The following MAPK8IP3 variants were observed in gnomAD, a reference collection of about 807,000 sequenced individuals.
The protein encoded by MAPK8IP3 is C-Jun-amino-terminal kinase-interacting protein 3.
A neutral mutation model predicts 157.8 loss-of-function variants in MAPK8IP3; 49 were observed. The ratio of observed to expected loss-of-function variants is 0.31; its 90% CI spans 0.25 to 0.39. The LOEUF is 0.39. MAPK8IP3 is among the 10% of genes least tolerant of loss of function. MAPK8IP3 has a pLI of 1.00. For missense variants in MAPK8IP3, 1,478 were observed against 1,889.4 expected (o/e 0.78, Z 4.04); for synonymous variants, 897 against 777.7 (o/e 1.15, Z -2.55).
At chr16:1,758,339 G>A (rs1244012517) in intron 9 of MAPK8IP3, among the ~76,000 whole-genome samples, 180 bp downstream of exon 9, 1 of 152,196 alleles carries the variant, frequency 6.6e-6, no homozygotes, top group African/African-American at 2.4e-5. Context: ...TGCTCCACCA[G>A]CCACTTGACA....
In MAPK8IP3 at chr16:1,721,760, CGTTTT is replaced by C. The variant is rs892395345; in HGVS notation, c.319-2776_319-2772del. ...CGGGCCTATAAAAACTTTGTTTTTT[CGTTTT>C]GTTTTGTTTTGTTTTGTTTTTGGAG... On this transcript the variant is annotated intron_variant, in intron 1 of 31. Coordinates refer to ENST00000610761, the MANE Select transcript of MAPK8IP3 (RefSeq NM_001318852.2). Among the ~76,000 whole-genome samples, 30 of 148,298 alleles carry C rather than the reference CGTTTT, an allele frequency of 2.0e-4. No individual in the cohort carries two copies. In the East Asian group the frequency reaches 3.4e-3, roughly 17 times the overall value.
intron 20 of MAPK8IP3, 60 bp downstream of exon 20, chr16:1,765,238 G>T (rs910936728): frequency 1.3e-6 from 2 of 1,523,820 alleles, no homozygotes; most frequent in Middle Eastern, 3.5e-4. Context: ...AGCAAGCTAA[G>T]TAAAAGCCCT....
Position 1,725,225 on chromosome 16 carries a change from TA to T in MAPK8IP3, c.439+551del, listed in dbSNP as rs532191889. Among the ~76,000 whole-genome samples the T allele has an allele frequency of 2.4e-3, 360 of 151,192 alleles. 4 individuals are homozygous for T. The highest frequency in any genetic ancestry group is 8.6e-3 in the African/African-American group (353 of 41,270). The stretch of plus-strand genomic sequence containing the variant: ...TTACTTACCTTTAAAAGTCTTTGCT[TA>T]AACTCTACTGTCAATGTTTTAGGCC... On this transcript the variant is annotated intron_variant, in intron 2 of 31. Coordinates refer to ENST00000610761, the MANE Select transcript of MAPK8IP3 (RefSeq NM_001318852.2).
At position 1,710,229 on chromosome 16, in the gene MAPK8IP3, C is replaced by T. The variant is rs1432146588; in HGVS notation, c.318+3572C>T. Among the ~76,000 whole-genome samples the T allele has an allele frequency of 1.3e-5, 2 of 151,602 alleles. No homozygotes were observed. The highest frequency in any genetic ancestry group is 6.6e-5 in the Admixed American group (1 of 15,220). ...CAGCCTCCCAACATTTGACATTGAA[C>T]TCCTGACCTCCTCATCTCAGGTCAG... On this transcript the variant is annotated intron_variant, in intron 1 of 31. Coordinates refer to ENST00000610761, the MANE Select transcript of MAPK8IP3 (RefSeq NM_001318852.2). The surrounding 1 kb of genome is among the most constrained non-coding windows in gnomAD (Gnocchi z 4.1).
In MAPK8IP3 at chr16:1,724,654, A is replaced by G; in HGVS notation, c.416A>G (p.Lys139Arg). The G allele has an allele frequency of 6.2e-7, 1 of 1,613,500 alleles. No individual in the cohort carries two copies. Among genetic ancestry groups the G allele is most frequent in the East Asian group, 2.2e-5 (1 of 44,884 alleles). Residue 139 changes from lysine (K) to arginine (R), a missense_variant, in exon 2 of 32, where the codon AAG (lysine) becomes AGG (arginine). Transcript: ENST00000610761. This position sits in a 1 kb window ranked among gnomAD's most constrained non-coding sequence, Gnocchi z 4.1. ...YEFQTRQLEL[K>R]AKNYADQISR... The stretch of plus-strand genomic sequence containing the variant: ...TTCCAGACGCGCCAGCTGGAGCTGA[A>G]GGCCAAGAACTATGCCGATCAGAGT...
Position 1,765,190 on chromosome 16 carries a change from G to C in MAPK8IP3, c.2446+12G>C. ...CTCCAGCATCCCCGGTGAGCAGCTG[G>C]AGTGGGCGTTTCCACTCGGGCGCCA... On this transcript the variant is annotated intron_variant, in intron 20 of 31. Coordinates refer to ENST00000610761, the MANE Select transcript of MAPK8IP3 (RefSeq NM_001318852.2). 6.3e-7 allele frequency: 1 copy of C among 1,583,592 alleles called. No individual in the cohort carries two copies. Among genetic ancestry groups the C allele is most frequent in the East Asian group, 2.3e-5 (1 of 43,834 alleles).
chr16:1,713,037 G>A (rs935152143), intron 1 of MAPK8IP3, among the ~76,000 whole-genome samples: 17 of 152,224 alleles, frequency 1.1e-4, no homozygotes, highest in African/African-American at 3.6e-4. Flanking sequence ...TGGATAAAGG[G>A]AAGCCGGCTT....
At chr16:1,736,572 G>A (rs558978203) in intron 4 of MAPK8IP3, among the ~76,000 whole-genome samples, 3 of 83,906 alleles carry the variant, frequency 3.6e-5, no homozygotes, top group East Asian at 3.3e-4. Context: ...GTGTGTGACC[G>A]TCCGTGTGAG....
At chr16:1,717,668 T>A (rs2038243028) in intron 1 of MAPK8IP3, among the ~76,000 whole-genome samples, 1 of 152,242 alleles carries the variant, frequency 6.6e-6, no homozygotes, top group African/African-American at 2.4e-5. Context: ...GGGACCAAGA[T>A]ACTACCGTGC....
intron 13 of MAPK8IP3, 22 bp from the exon 14 acceptor site, chr16:1,762,329 C>T (rs748054837): frequency 2.6e-6 from 4 of 1,556,514 alleles, no homozygotes; most frequent in Non-Finnish European, 2.6e-6. Context: ...CTGGCTGAGC[C>T]TCTGTGCCCC....
At position 1,742,986 on chromosome 16, in the gene MAPK8IP3, G is replaced by A. The variant is rs559165304; in HGVS notation, c.603-346G>A. Among the ~76,000 whole-genome samples, 25 of 152,176 alleles carry A rather than the reference G, an allele frequency of 1.6e-4. No individual in the cohort carries two copies. The highest frequency in any genetic ancestry group is 5.8e-4 in the African/African-American group (24 of 41,508). ...AAATACAAAAAAAAATTAGCCAGGC[G>A]TGGGAGGCTGAGGCAGGAGAATGGC... On this transcript the variant is annotated intron_variant, in intron 4 of 31. Transcript: ENST00000610761. The surrounding 1 kb of genome is among the most constrained non-coding windows in gnomAD (Gnocchi z 5.0).
At chr16:1,759,431 T>G (rs2041808404) in intron 10 of MAPK8IP3, among the ~76,000 whole-genome samples, 1 of 152,156 alleles carries the variant, frequency 6.6e-6, no homozygotes, top group South Asian at 2.1e-4. Context: ...TTGGGGTTTC[T>G]GGGGCATGCT....
At chr16:1,749,731 C>G (rs1221278123) in intron 8 of MAPK8IP3, among the ~76,000 whole-genome samples, 1 of 152,196 alleles carries the variant, frequency 6.6e-6, no homozygotes, top group Admixed American at 6.5e-5. Context: ...TCCCCCAGCC[C>G]GCAGGGTGAG....
chr16:1,759,862 C>A, intron 10 of MAPK8IP3, 96 bp from the exon 11 acceptor site: 1 of 1,102,732 alleles, frequency 9.1e-7, no homozygotes, highest in Non-Finnish European at 1.4e-6. Context: ...AGCCAGGCTA[C>A]CCTCTTTGGA....
At chr16:1,762,516 G>A in intron 14 of MAPK8IP3, 35 bp downstream of exon 14, 1 of 1,610,152 alleles carries the variant, frequency 6.2e-7, no homozygotes, top group South Asian at 1.1e-5. Flanking sequence ...GGGGCTGCGG[G>A]ATCATCCCTG....
intron 1 of MAPK8IP3, among the ~76,000 whole-genome samples, chr16:1,718,525 GGCTCTCGCCTGTAATACC>G (rs1484795743): frequency 1.3e-4 from 19 of 151,936 alleles, no homozygotes; most frequent in Non-Finnish European, 2.8e-4. Context: ...CGGGTACGGT[GGCTCTCGCCTGTAATACC>G]AGCACTTTGG....
chr16:1,768,778 A>T lies in MAPK8IP3; in HGVS notation c.3968A>T (p.Glu1323Val). ...SQVKPVLSKA[E>V]RSHIIVWQVS... is the part of the protein sequence containing the mutation. ...GTGAAGCCCGTGCTGTCCAAGGCAG[A>T]GCGCAGTCACATCATCGTGTGGCAG... is the stretch of plus-strand genomic sequence containing the variant. Residue 1323 changes from glutamate to valine, a missense_variant, in exon 32 of 32, where the codon GAG (glutamate) becomes GTG (valine). By Grantham distance (121) the Glu-to-Val change is moderately radical (BLOSUM62 -2). Around this residue, in one of 11 missense-constraint regions of MAPK8IP3, gnomAD observed 133 missense variants for 133.4 expected, o/e 1.00. Coordinates refer to ENST00000610761, the MANE Select transcript of MAPK8IP3 (RefSeq NM_001318852.2). 1.2e-6 allele frequency: 2 copies of T among 1,612,714 alleles called. No individual in the cohort carries two copies. The highest frequency in any genetic ancestry group is 1.7e-6 in the Non-Finnish European group (2 of 1,179,836).
chr16:1,710,495 A>G lies in MAPK8IP3; in HGVS notation c.318+3838A>G, dbSNP rs1334366255. Reference sequence around the variant, plus strand: ...TCTCAAAATAAATAAATAGATAAAAATAAATAAATAAATGTCATCCATTTC... The same window carrying G: ...TCTCAAAATAAATAAATAGATAAAAGTAAATAAATAAATGTCATCCATTTC... On this transcript the variant is annotated intron_variant, in intron 1 of 31. Transcript: ENST00000610761. This position sits in a 1 kb window ranked among gnomAD's most constrained non-coding sequence, Gnocchi z 4.1. 6.6e-6 allele frequency among the ~76,000 whole-genome samples: 1 copy of G among 152,128 alleles called. No individual in the cohort carries two copies. The highest frequency in any genetic ancestry group is 6.5e-5 in the Admixed American group (1 of 15,270).
intron 12 of MAPK8IP3, 117 bp downstream of exon 12, chr16:1,760,649 A>G (rs1408201001): frequency 4.7e-6 from 6 of 1,285,310 alleles, no homozygotes; most frequent in African/African-American, 4.5e-5. Context: ...TAGCCTACCT[A>G]CCTCCAGCTC....
Sources: allele counts gnomAD v4.1 joint callset (sites outside exome capture counted in the v4.1 genomes callset), GRCh38; gene constraint gnomAD v4.1.1; regional missense constraint gnomAD v4.1.1; non-coding constraint Gnocchi (gnomAD v3.1); transcripts MANE v1.5; gene names NCBI Gene and HGNC (gene_info 2026-07-23, HGNC 2026-07-21).